Variants in EPSTI1 observed in about 807,000 individuals in gnomAD.
EPSTI1 encodes the protein epithelial-stromal interaction protein 1.
A neutral mutation model predicts 49.9 loss-of-function variants in EPSTI1; 66 were observed. The observed-to-expected ratio is 1.32, with a 90% CI of 1.08 to 1.62. The LOEUF (loss-of-function observed/expected upper bound fraction) is 1.62. Among genes scored for constraint, EPSTI1 ranks in the 40% most tolerant of loss-of-function variants. The pLI, the probability that EPSTI1 is intolerant of heterozygous loss-of-function variation, is 0.00. For missense variants in EPSTI1, 394 were observed against 365.5 expected, an observed-to-expected ratio of 1.08 and a Z score of -0.64; for synonymous variants, 137 against 130.7, an observed-to-expected ratio of 1.05 and a Z score of -0.33.
intron 6 of EPSTI1, among the ~76,000 whole-genome samples, chr13:42,940,801 T>C (rs2038727843): frequency 1.3e-5 from 2 of 152,366 alleles, no homozygotes; most frequent in African/African-American, 4.8e-5. Context: ...AATCCATTGA[T>C]ATTTTTGCCA....
rs763414650 is a variant in EPSTI1 at position 42,926,366 on chromosome 13, A to G, written c.627T>C (p.Ser209=). ...TESPDRSACQ[S]AVCGPQSSTW... The stretch of plus-strand genomic sequence containing the variant: ...TTGAGGATTGTGGGCCACAAACAGC[A>G]CTTTGACAGGCACTTCTGTCTGGCG... Residue 209 remains serine (S), a synonymous_variant, in exon 7 of 11, where the codon AGT becomes AGC. Transcript: ENST00000313624. 1 of 1,613,144 alleles carries G rather than the reference A, an allele frequency of 6.2e-7. No homozygotes were observed. The highest frequency in any genetic ancestry group is 2.2e-5 in the East Asian group (1 of 44,880).
intron 1 of EPSTI1, among the ~76,000 whole-genome samples, chr13:42,975,532 T>C (rs1449606972): frequency 6.6e-6 from 1 of 152,148 alleles, no homozygotes; most frequent in Non-Finnish European, 1.5e-5. Context: ...CATCGGGGCC[T>C]TTGTTTATAG....
chr13:42,986,568 C>T (rs967977935), intron 1 of EPSTI1, among the ~76,000 whole-genome samples: 7 of 151,860 alleles, frequency 4.6e-5, no homozygotes, highest in African/African-American at 1.7e-4. Context: ...TATGGTGAAA[C>T]CTCGTTTCTA....
chr13:42,898,567 TAG>T (rs924926771), intron 9 of EPSTI1, among the ~76,000 whole-genome samples: 32 of 152,138 alleles, frequency 2.1e-4, no homozygotes, highest in African/African-American at 7.0e-4. Flanking sequence ...TCTATTTAAG[TAG>T]AATCAAAAGA....
At chr13:42,986,807 C>T (rs9594844) in intron 1 of EPSTI1, among the ~76,000 whole-genome samples, 5 of 146,206 alleles carry the variant, frequency 3.4e-5, no homozygotes, top group East Asian at 4.0e-4. Flanking sequence ...TGGGGAGAGG[C>T]GGGGGCTGGA....
intron 1 of EPSTI1, among the ~76,000 whole-genome samples, chr13:42,983,965 T>G (rs1374640026): frequency 6.6e-6 from 1 of 152,240 alleles, no homozygotes; most frequent in African/African-American, 2.4e-5. Context: ...AGGATTCCAA[T>G]GCTTCATTAC....
chr13:42,906,501 T>C (rs2037503516), intron 8 of EPSTI1, among the ~76,000 whole-genome samples: 1 of 152,206 alleles, frequency 6.6e-6, no homozygotes, highest in African/African-American at 2.4e-5. Flanking sequence ...CAGGAGAGCC[T>C]GTTCTCTCAA....
intron 1 of EPSTI1, among the ~76,000 whole-genome samples, chr13:42,987,991 T>C (rs982608789): frequency 8.5e-5 from 13 of 152,210 alleles, no homozygotes; most frequent in African/African-American, 2.9e-4. Flanking sequence ...ATAATTTACA[T>C]ACAAATTCAG....
intron 5 of EPSTI1, among the ~76,000 whole-genome samples, chr13:42,956,680 T>C (rs1381945837): frequency 1.3e-5 from 2 of 152,142 alleles, no homozygotes; most frequent in Non-Finnish European, 1.5e-5. Flanking sequence ...TGGTCTCTAA[T>C]TTGCACAAAG....
chr13:42,941,071 C>T (rs1289759996), intron 6 of EPSTI1, among the ~76,000 whole-genome samples: 1 of 152,100 alleles, frequency 6.6e-6, no homozygotes, highest in African/African-American at 2.4e-5. Context: ...TTTTTACGTA[C>T]TTAAAGCTAT....
chr13:42,918,051 G>A (rs2037888295), intron 7 of EPSTI1, among the ~76,000 whole-genome samples: 1 of 152,152 alleles, frequency 6.6e-6, no homozygotes, highest in African/African-American at 2.4e-5. Context: ...GCTCATTAAT[G>A]ATATCTGATT....
intron 1 of EPSTI1, among the ~76,000 whole-genome samples, chr13:42,987,401 G>A (rs748101503): frequency 6.6e-5 from 10 of 151,918 alleles, no homozygotes; most frequent in East Asian, 1.9e-4. Context: ...AAGCTCAAAC[G>A]TCACCTCTAA....
In EPSTI1 at chr13:42,964,129, C is replaced by A; in HGVS notation, c.342G>T (p.Gln114His). Reference sequence around the variant, plus strand: ...GTTTCTGTCTGACTTCAGTTTCTGACTGGCTTCCACCTTAGGAAAAAAAAA... The same window carrying A: ...GTTTCTGTCTGACTTCAGTTTCTGAATGGCTTCCACCTTAGGAAAAAAAAA... ...HLVPRRLGGS[Q>H]SETEVRQKQQ... Residue 114 changes from glutamine to histidine, a missense_variant, in exon 4 of 11, where the codon CAG becomes CAT. Gln to His is a conservative substitution (Grantham distance 24). Transcript: ENST00000313624. The A allele has an allele frequency of 1.2e-6, 2 of 1,613,172 alleles. No homozygotes were observed. The highest frequency in any genetic ancestry group is 1.1e-5 in the South Asian group (1 of 91,004).
At chr13:42,959,158 T>G (rs905335997) in intron 5 of EPSTI1, among the ~76,000 whole-genome samples, 2 of 152,210 alleles carry the variant, frequency 1.3e-5, no homozygotes, top group African/African-American at 2.4e-5. Context: ...TATTACATTA[T>G]TATACCCATT....
intron 8 of EPSTI1, among the ~76,000 whole-genome samples, chr13:42,900,794 A>AACTT: frequency 6.6e-6 from 1 of 152,268 alleles, no homozygotes; most frequent in East Asian, 1.9e-4. Context: ...AATTCAGAGC[A>AACTT]ACTTACAAAT....
intron 6 of EPSTI1, among the ~76,000 whole-genome samples, chr13:42,949,895 C>G (rs989674563): frequency 6.6e-6 from 1 of 151,712 alleles, no homozygotes; most frequent in Non-Finnish European, 1.5e-5. Flanking sequence ...ATTTTAAATG[C>G]TGAGATTTAT....
chr13:42,931,817 A>C (rs2038384313), intron 6 of EPSTI1, among the ~76,000 whole-genome samples: 1 of 152,292 alleles, frequency 6.6e-6, no homozygotes, highest in South Asian at 2.1e-4. Context: ...AATACATTTA[A>C]CATTCTTATG....
At chr13:42,938,201 G>A (rs572602177) in intron 6 of EPSTI1, among the ~76,000 whole-genome samples, 5 of 152,194 alleles carry the variant, frequency 3.3e-5, no homozygotes, top group South Asian at 2.1e-4. Context: ...AAAAGTTTAA[G>A]TTGAAATATG....
chr13:42,895,506 A>C (rs1246328237), intron 9 of EPSTI1, among the ~76,000 whole-genome samples: 1 of 152,226 alleles, frequency 6.6e-6, no homozygotes, highest in Non-Finnish European at 1.5e-5. Flanking sequence ...GCTCTATGGC[A>C]TTATTGTTGC....
Sources: allele counts gnomAD v4.1 joint callset (sites outside exome capture counted in the v4.1 genomes callset), GRCh38; gene constraint gnomAD v4.1.1; transcripts MANE v1.5; gene names NCBI Gene and HGNC (gene_info 2026-07-23, HGNC 2026-07-21).